SRPRA: variants seen among roughly 807,000 people sequenced by gnomAD.
SRPRA encodes the protein SRP receptor subunit alpha, also known as signal recognition particle receptor subunit alpha.
Under a neutral mutation model 61.1 loss-of-function variants are expected in SRPRA, and 30 were observed. The ratio of observed to expected loss-of-function variants is 0.49; its 90% CI spans 0.37 to 0.67. The LOEUF is 0.67. SRPRA is among the 30% of genes least tolerant of loss of function. SRPRA has a pLI of 0.00. For synonymous variants in SRPRA, 324 were observed against 299.7 expected, an observed-to-expected ratio of 1.08 and a Z score of -0.84; for missense variants, 759 against 828.4, an observed-to-expected ratio of 0.92 and a Z score of 1.03.
the SRPRA span, chr11:126,245,391 C>G: frequency 6.6e-6 from 1 of 152,100 alleles, no homozygotes; most frequent in African/African-American, 2.4e-5. Flanking sequence ...TCTTTCAAAG[C>G]TTACTACAGA....
At position 126,267,116 on chromosome 11, in the gene SRPRA, T is replaced by A; in HGVS notation, c.526+59A>T. 1 of 1,601,590 alleles carries A rather than the reference T, an allele frequency of 6.2e-7. No individual in the cohort carries two copies. The highest frequency in any genetic ancestry group is 8.5e-7 in the Non-Finnish European group (1 of 1,173,440). On this transcript the variant is annotated intron_variant, in intron 4 of 13. Coordinates refer to ENST00000332118, the MANE Select transcript of SRPRA (RefSeq NM_003139.4). The surrounding 1 kb of genome is among the most constrained non-coding windows in gnomAD (Gnocchi z 4.2). ...ATGACAAAAGGAAGGACCACCTCAG[T>A]CCTTAGCACCGTGTTAACACCTTTC...
the SRPRA span, among the ~76,000 whole-genome samples, chr11:126,237,215 CTTT>C: frequency 1.2e-4 from 5 of 43,112 alleles, no homozygotes; most frequent in African/African-American, 3.4e-4. Flanking sequence ...CGCGCCTGGC[CTTT>C]TTTTTTTTTT....
chr11:126,244,298 C>T, the SRPRA span, among the ~76,000 whole-genome samples: 1 of 152,148 alleles, frequency 6.6e-6, no homozygotes, highest in Non-Finnish European at 1.5e-5. This position sits in a 1 kb window ranked among gnomAD's most constrained non-coding sequence, Gnocchi z 4.5. Flanking sequence ...AAGTAAACTG[C>T]CTCTGTTTGC....
chr11:126,267,505 A>G lies in SRPRA; in HGVS notation c.365+44T>C. ...TTGAACCACCTTCAGAGAGGTCATC[A>G]AATCATGGAAATAAATTGATTTTAG... On this transcript the variant is annotated intron_variant, in intron 3 of 13. Transcript: ENST00000332118. The surrounding 1 kb of genome is among the most constrained non-coding windows in gnomAD (Gnocchi z 4.2). 1 of 1,611,300 alleles carries G rather than the reference A, an allele frequency of 6.2e-7. No homozygotes were observed. The highest frequency in any genetic ancestry group is 2.2e-5 in the East Asian group (1 of 44,852).
At chr11:126,259,466 G>A (rs11220428), downstream of SRPRA, among the ~76,000 whole-genome samples, 1 of 137,508 alleles carries the variant, frequency 7.3e-6, no homozygotes, top group Non-Finnish European at 1.5e-5. Context: ...TCGCTCTGAC[G>A]CCAGGCTGGA....
intron 7 of SRPRA, 41 bp from the exon 8 acceptor site, chr11:126,266,122 G>C: frequency 6.2e-7 from 1 of 1,612,472 alleles, no homozygotes; most frequent in African/African-American, 1.3e-5. Flanking sequence ...AAAACCAGTA[G>C]GCAGGAGTTG....
chr11:126,263,721 G>A lies in SRPRA; in HGVS notation c.*195C>T, dbSNP rs959538836. Reference sequence around the variant, plus strand: ...GGGAGAGGGTCAGTGGGCAGTGATTGTAACATGATTAGGCCTTCCTTGCAG... The same window carrying A: ...GGGAGAGGGTCAGTGGGCAGTGATTATAACATGATTAGGCCTTCCTTGCAG... On this transcript the variant is annotated 3_prime_UTR_variant, in exon 14 of 14. Coordinates refer to ENST00000332118, the MANE Select transcript of SRPRA (RefSeq NM_003139.4). 5.3e-6 allele frequency: 4 copies of A among 756,326 alleles called. No homozygotes were observed. Among genetic ancestry groups the A allele is most frequent in the Admixed American group, 2.7e-5 (1 of 37,508 alleles). The allele number at this position is 756,326 out of a possible 1,614,324, so 46.9% of individuals were successfully genotyped here.
the SRPRA span, among the ~76,000 whole-genome samples, chr11:126,249,731 CAAAAAAAAAAAAAA>C: frequency 1.1e-3 from 90 of 79,008 alleles, no homozygotes; most frequent in African/African-American, 4.5e-3. Flanking sequence ...GACTCCGTCT[CAAAAAAAAAAAAAA>C]AAAAAAAAAG....
chr11:126,241,855 T>A, the SRPRA span, among the ~76,000 whole-genome samples: 1 of 151,758 alleles, frequency 6.6e-6, no homozygotes, highest in East Asian at 2.0e-4. Context: ...CAGCCTGTTT[T>A]AAAATCTTAA....
At chr11:126,252,599 C>G in the SRPRA span, among the ~76,000 whole-genome samples, 89 of 152,126 alleles carry the variant, frequency 5.9e-4, no homozygotes, top group African/African-American at 2.1e-3. The surrounding 1 kb of genome is among the most constrained non-coding windows in gnomAD (Gnocchi z 4.7). Flanking sequence ...AAAAATTAGC[C>G]GGGCATGGTG....
At chr11:126,266,968 A>T in intron 4 of SRPRA, 46 bp from the exon 5 acceptor site, 1 of 1,585,620 alleles carries the variant, frequency 6.3e-7, no homozygotes, top group Non-Finnish European at 8.6e-7. Context: ...ACCAATCCCA[A>T]CCACTAGACA....
At chr11:126,248,438 T>C in the SRPRA span, among the ~76,000 whole-genome samples, 2 of 135,110 alleles carry the variant, frequency 1.5e-5, no homozygotes, top group South Asian at 2.7e-4. Context: ...TGGTGCGATC[T>C]TGGCTCACTA....
downstream of SRPRA, chr11:126,261,122 T>C (rs1591533511): frequency 3.1e-6 from 1 of 321,316 alleles, no homozygotes; most frequent in Non-Finnish European, 5.9e-6. Flanking sequence ...CTCTAGACTG[T>C]TTAGGGACAG....
rs1165246082 is a variant in SRPRA, at chr11:126,266,565, C to G, written c.751G>C (p.Gly251Arg). ...AACACTTCTTTGTTAGCACAGCCAC[C>G]CAGTTCCCACACCCGGGGTGCTTTT... is the stretch of plus-strand genomic sequence containing the variant. Reference protein sequence around the residue: ...GKKAPRVWELGGCANKEVLDY... With the variant: ...GKKAPRVWELRGCANKEVLDY... The change falls in exon 6 of 14, where the codon GGT becomes CGT. Residue 251 changes from glycine (G) to arginine (R), a missense_variant. By Grantham distance (125) the Gly-to-Arg change is moderately radical. Transcript: ENST00000332118. 1 of 1,614,084 alleles carries G rather than the reference C, an allele frequency of 6.2e-7. No individual in the cohort carries two copies. Among genetic ancestry groups the G allele is most frequent in the Non-Finnish European group, 8.5e-7 (1 of 1,180,050 alleles).
chr11:126,240,334 C>T, the SRPRA span, among the ~76,000 whole-genome samples: 1 of 151,378 alleles, frequency 6.6e-6, no homozygotes, highest in Non-Finnish European at 1.5e-5. Flanking sequence ...TTTGTATTGC[C>T]TTTCCCCTAG....
the SRPRA span, chr11:126,245,428 A>C: frequency 2.6e-5 from 4 of 152,258 alleles, no homozygotes; most frequent in Admixed American, 2.6e-4. Flanking sequence ...CAGCATGGCA[A>C]AGGATTCTCA....
In SRPRA at chr11:126,267,296, G is replaced by A; in HGVS notation, c.405C>T (p.Thr135=). The change falls in exon 4 of 14, where the codon ACC becomes ACT. Residue 135 remains threonine (T), a synonymous_variant. Transcript: ENST00000332118. This position sits in a 1 kb window ranked among gnomAD's most constrained non-coding sequence, Gnocchi z 4.2. ...TTTCAGAATCTTCAAATTTCTTCAT[G>A]GTAGTGGGAGCACGGATCTTACTGC... ...EESSKIRAPT[T]MKKFEDSEKA... The A allele has an allele frequency of 6.2e-7, 1 of 1,613,994 alleles. No individual in the cohort carries two copies. Among genetic ancestry groups the A allele is most frequent in the Non-Finnish European group, 8.5e-7 (1 of 1,180,004 alleles).
chr11:126,256,792 G>A, the SRPRA span: 2 of 1,613,274 alleles, frequency 1.2e-6, no homozygotes, highest in Non-Finnish European at 1.7e-6. This position sits in a 1 kb window ranked among gnomAD's most constrained non-coding sequence, Gnocchi z 6.6. Context: ...AGATGACTAT[G>A]CCGATCTTCC....
Position 126,264,921 on chromosome 11 carries a change from G to T in SRPRA, c.1525+38C>A. On this transcript the variant is annotated intron_variant, in intron 11 of 13. Transcript: ENST00000332118. This position sits in a 1 kb window ranked among gnomAD's most constrained non-coding sequence, Gnocchi z 5.0. ...CCAAGAGAACCCAAGGAGAAAAAGG[G>T]ACCCCAAATAAGCCCCCACACTTCC... is the stretch of plus-strand genomic sequence containing the variant. The T allele has an allele frequency of 6.3e-7, 1 of 1,576,494 alleles. No homozygotes were observed.
Sources: gnomAD v4.1 joint callset for allele counts (sites outside exome capture counted in the v4.1 genomes callset) on GRCh38, gnomAD v4.1.1 for gene constraint, Gnocchi (gnomAD v3.1) non-coding constraint, MANE v1.5 for transcripts, NCBI Gene and HGNC (gene_info 2026-07-23, HGNC 2026-07-21) for gene names.